Variants in RALYL observed in about 807,000 individuals in gnomAD.
RALYL encodes RALY RNA binding protein like, also known as RNA-binding Raly-like protein.
A neutral mutation model predicts 35.1 loss-of-function variants in RALYL; 29 were observed. The ratio of observed to expected loss-of-function variants is 0.83; its 90% CI spans 0.61 to 1.13. RALYL has a LOEUF of 1.13. Ranked by LOEUF, RALYL falls within the 50% of genes most tolerant of loss-of-function variation. The pLI, the probability that RALYL is intolerant of heterozygous loss-of-function variation, is 0.00. For synonymous variants in RALYL, 120 were observed against 127.6 expected (o/e 0.94, Z 0.40); for missense variants, 359 against 360.4 (o/e 1.00, Z 0.03).
At chr8:84,682,191 C>A (rs1395483670) in intron 2 of RALYL, among the ~76,000 whole-genome samples, 1 of 152,058 alleles carries the variant, frequency 6.6e-6, no homozygotes, top group Non-Finnish European at 1.5e-5. Context: ...GGATGAAGCC[C>A]ACTTGATCAT....
intron 2 of RALYL, among the ~76,000 whole-genome samples, chr8:84,657,246 C>T (rs764513070): frequency 3.9e-5 from 6 of 152,110 alleles, no homozygotes; most frequent in Non-Finnish European, 7.3e-5. Context: ...AAAAACCATC[C>T]GGAACTGTGT....
chr8:84,680,689 T>C (rs1441999024), intron 2 of RALYL, among the ~76,000 whole-genome samples: 1 of 152,014 alleles, frequency 6.6e-6, no homozygotes, highest in Non-Finnish European at 1.5e-5. Context: ...CACTTGTTGA[T>C]GGGGTTGTTT....
chr8:84,552,919 A>G (rs1356425601), intron 2 of RALYL, among the ~76,000 whole-genome samples: 1 of 152,142 alleles, frequency 6.6e-6, no homozygotes, highest in Non-Finnish European at 1.5e-5. Flanking sequence ...TGACTAGTCA[A>G]TAACATGATT....
At chr8:84,566,850 C>G (rs958000949) in intron 2 of RALYL, among the ~76,000 whole-genome samples, 1 of 151,636 alleles carries the variant, frequency 6.6e-6, no homozygotes, top group African/African-American at 2.4e-5. Flanking sequence ...ATTTTCCCAG[C>G]TTTTTAAATT....
intron 1 of RALYL, among the ~76,000 whole-genome samples, chr8:84,509,372 AT>A (rs1156993317): frequency 6.6e-6 from 1 of 152,174 alleles, no homozygotes; most frequent in Non-Finnish European, 1.5e-5. Context: ...ATCCTCCAAT[AT>A]TGAAATTTTG....
At chr8:84,530,711 C>A (rs1171588107) in intron 2 of RALYL, among the ~76,000 whole-genome samples, 1 of 152,108 alleles carries the variant, frequency 6.6e-6, no homozygotes, top group African/African-American at 2.4e-5. Context: ...AGATTATGTT[C>A]TTAACCTGCT....
At chr8:84,708,921 C>G (rs1348923060) in intron 2 of RALYL, among the ~76,000 whole-genome samples, 1 of 152,048 alleles carries the variant, frequency 6.6e-6, no homozygotes, top group Non-Finnish European at 1.5e-5. Context: ...TGTGCCATGG[C>G]AAAGAAAACA....
intron 1 of RALYL, among the ~76,000 whole-genome samples, chr8:84,318,559 G>A (rs1844200158): frequency 6.6e-6 from 1 of 152,078 alleles, no homozygotes; most frequent in African/African-American, 2.4e-5. Context: ...TGTAGCCATT[G>A]TAATATAAAT....
chr8:84,552,338 GTA>G (rs779399854), intron 2 of RALYL, among the ~76,000 whole-genome samples: 2,279 of 73,894 alleles, frequency 0.031, 187 homozygotes, highest in African/African-American at 0.11. Flanking sequence ...GGATGTGTGT[GTA>G]TATATATATA....
intron 1 of RALYL, among the ~76,000 whole-genome samples, chr8:84,324,284 T>C (rs76482861): frequency 0.036 from 5,538 of 151,796 alleles, 129 homozygotes; most frequent in East Asian, 0.13. Flanking sequence ...AGTTAATTTC[T>C]TTTTTTTCCT....
chr8:84,404,810 T>C (rs995637923), intron 1 of RALYL, among the ~76,000 whole-genome samples: 1 of 152,142 alleles, frequency 6.6e-6, no homozygotes, highest in African/African-American at 2.4e-5. Flanking sequence ...CAGAAGTTTT[T>C]TTTGGCTGGT....
intron 4 of RALYL, among the ~76,000 whole-genome samples, chr8:84,815,535 T>A (rs1827012693): frequency 6.6e-6 from 1 of 151,024 alleles, no homozygotes; most frequent in Admixed American, 6.6e-5. Flanking sequence ...CATCTTAACA[T>A]TTTTTAAGAT....
Position 84,715,706 on chromosome 8 carries a change from A to G in RALYL, c.257-58873A>G, listed in dbSNP as rs188073161. Among the ~76,000 whole-genome samples, 463 of 152,170 alleles carry G rather than the reference A, an allele frequency of 3.0e-3. 1 individual carries two copies. The highest frequency in any genetic ancestry group is 5.7e-3 in the Non-Finnish European group (390 of 67,910). On this transcript the variant is annotated intron_variant, in intron 2 of 8. Transcript: ENST00000521268. ...AGTAATTCATTGTGAATCATTACACACTTCTTGATCTAGAACAGCTAAGTT... is the reference window on the plus strand; with the variant it reads ...AGTAATTCATTGTGAATCATTACACGCTTCTTGATCTAGAACAGCTAAGTT...
intron 2 of RALYL, among the ~76,000 whole-genome samples, chr8:84,691,087 A>G (rs1837947290): frequency 6.6e-6 from 1 of 152,128 alleles, no homozygotes; most frequent in African/African-American, 2.4e-5. Context: ...AAGTCAAAGC[A>G]CTGTTTGAAG....
At chr8:84,212,107 A>G (rs991906095) in intron 1 of RALYL, among the ~76,000 whole-genome samples, 18 of 152,170 alleles carry the variant, frequency 1.2e-4, no homozygotes, top group African/African-American at 4.3e-4. Flanking sequence ...TGAGTATAAA[A>G]TGGATGAAAA....
chr8:84,459,282 A>G (rs2133350029), intron 1 of RALYL, among the ~76,000 whole-genome samples: 2 of 151,942 alleles, frequency 1.3e-5, no homozygotes, highest in South Asian at 4.1e-4. Context: ...AACTTTTTAG[A>G]AAATGTTGCA....
At chr8:84,233,341 G>A (rs1825791990) in intron 1 of RALYL, among the ~76,000 whole-genome samples, 1 of 151,864 alleles carries the variant, frequency 6.6e-6, no homozygotes, top group South Asian at 2.1e-4. Context: ...CCATTTTGTA[G>A]GAAAAAAATC....
intron 2 of RALYL, among the ~76,000 whole-genome samples, chr8:84,722,615 TTTTATATATA>T (rs1554546254): frequency 0.034 from 2,258 of 65,644 alleles, 158 homozygotes; most frequent in African/African-American, 0.2. Flanking sequence ...CCTAGAGTGA[TTTTATATATA>T]TATATATATA....
intron 3 of RALYL, among the ~76,000 whole-genome samples, chr8:84,786,059 T>C (rs1170174849): frequency 1.3e-5 from 2 of 152,198 alleles, no homozygotes; most frequent in Admixed American, 6.5e-5. Flanking sequence ...CAGCTCCCAC[T>C]TGTAAGTGAG....
Sources: allele counts gnomAD v4.1 joint callset (sites outside exome capture counted in the v4.1 genomes callset), GRCh38; gene constraint gnomAD v4.1.1; transcripts MANE v1.5; gene names NCBI Gene and HGNC (gene_info 2026-07-23, HGNC 2026-07-21).